Variants in BUD13 observed in about 807,000 individuals in gnomAD.
BUD13 encodes the protein BUD13 spliceosome associated protein.
BUD13 carries 47 observed loss-of-function variants against 62.5 expected under a neutral mutation model. The ratio of observed to expected loss-of-function variants is 0.75; its 90% CI spans 0.60 to 0.96. The LOEUF is 0.96. Ranked by LOEUF, BUD13 falls within the 40% of genes least tolerant of loss-of-function variation. The probability of loss-of-function intolerance (pLI) is 0.00; values close to 1 mark genes in which losing one functional copy is unlikely to be tolerated. For synonymous variants in BUD13, 293 were observed against 280.1 expected, an observed-to-expected ratio of 1.05 and a Z score of -0.46; for missense variants, 821 against 790.9, an observed-to-expected ratio of 1.04 and a Z score of -0.46.
chr11:116,763,074 G>A lies in BUD13; in HGVS notation c.515C>T (p.Ser172Leu). The change falls in exon 4 of 10, where the codon TCA becomes TTA. Residue 172 changes from serine (S) to leucine (L), a missense_variant. Physicochemically the swap from Ser to Leu is moderately radical, Grantham distance 145. Coordinates refer to ENST00000260210, the MANE Select transcript of BUD13 (RefSeq NM_032725.4). ...GATCCTCCTGGGAGGAGATGTGTCT[G>A]AGTCATGACGAGCCCCTCTGAGGGG... is the stretch of plus-strand genomic sequence containing the variant. ...PSPLRGARHD[S>L]DTSPPRRIRH... 1 of 1,583,192 alleles carries A rather than the reference G, an allele frequency of 6.3e-7. No homozygotes were observed.
At chr11:116,772,488 C>T (rs1221434900) in intron 1 of BUD13, among the ~76,000 whole-genome samples, 1 of 152,216 alleles carries the variant, frequency 6.6e-6, no homozygotes, top group Non-Finnish European at 1.5e-5. Context: ...GATCCAAGCA[C>T]AGAGGCTTTG....
rs1264216708 is a variant in BUD13 at position 116,763,171 on chromosome 11, G to A, written c.418C>T (p.Pro140Ser). The change falls in exon 4 of 10, where the codon CCT (proline) becomes TCT (serine). Residue 140 changes from proline (P) to serine (S), a missense_variant. By Grantham distance (74) the Pro-to-Ser change is moderately conservative. This residue lies in a region of BUD13 where 800 missense variants were observed against 739.2 expected (regional missense o/e 1.08). Transcript: ENST00000260210. ...RVRHGTPDPSPRKDRHDTPDP... is the reference protein window; with the variant it reads ...RVRHGTPDPSSRKDRHDTPDP... ...GGGGTGTCATGACGGTCCTTCCTAG[G>A]AGATGGATCTGGGGTACCATGACGG... 2 of 1,602,786 alleles carry A rather than the reference G, an allele frequency of 1.2e-6. No individual in the cohort carries two copies.
chr11:116,763,619 C>T (rs528138815), intron 3 of BUD13, among the ~76,000 whole-genome samples: 1 of 152,194 alleles, frequency 6.6e-6, no homozygotes, highest in African/African-American at 2.4e-5. Context: ...AAGGTCACAG[C>T]TCCTAAAATG....
chr11:116,762,750 T>C lies in BUD13; in HGVS notation c.839A>G (p.Tyr280Cys). 6.2e-7 allele frequency: 1 copy of C among 1,614,156 alleles called. No individual in the cohort carries two copies. Among genetic ancestry groups the C allele is most frequent in the Non-Finnish European group, 8.5e-7 (1 of 1,180,014 alleles). Residue 280 changes from tyrosine (Y) to cysteine (C), a missense_variant, in exon 4 of 10, where the codon TAT becomes TGT. By Grantham distance (194) the Tyr-to-Cys change is radical. This residue lies in a region of BUD13 where 800 missense variants were observed against 739.2 expected (regional missense o/e 1.08). Coordinates refer to ENST00000260210, the MANE Select transcript of BUD13 (RefSeq NM_032725.4). ...ACCACTTTTGGTTCTGGGCAGGGAA[T>C]AAGTGACATTAGGAGCCAAATCAGG... ...DSPDLAPNVTYSLPRTKSGKA... is the reference protein window; with the variant it reads ...DSPDLAPNVTCSLPRTKSGKA...
In BUD13 at chr11:116,772,934, C is replaced by A; in HGVS notation, c.31G>T (p.Glu11Ter). The A allele has an allele frequency of 6.3e-7, 1 of 1,584,130 alleles. No individual in the cohort carries two copies. Reference sequence around the variant, plus strand: ...CCGGACAAGTAACGCTTCAGATACTCGGCCTTGGAAAGCGGCGGAGCTGCC... The same window carrying A: ...CCGGACAAGTAACGCTTCAGATACTAGGCCTTGGAAAGCGGCGGAGCTGCC... MAAAPPLSKA[E>*]YLKRYLSGAD... Residue 11 changes from glutamate (E) to a stop codon, truncating the protein, a stop_gained, in exon 1 of 10, where the codon GAG (glutamate) becomes TAG (stop). Coordinates refer to ENST00000260210, the MANE Select transcript of BUD13 (RefSeq NM_032725.4). LOFTEE classifies it high-confidence loss of function.
chr11:116,756,667 A>G (rs575536467), intron 9 of BUD13, among the ~76,000 whole-genome samples: 3 of 152,248 alleles, frequency 2.0e-5, no homozygotes, highest in Non-Finnish European at 4.4e-5. Context: ...TTCATCCATC[A>G]TAACAGGAAG....
intron 2 of BUD13, among the ~76,000 whole-genome samples, chr11:116,768,223 A>C (rs1940565630): frequency 6.6e-6 from 1 of 152,188 alleles, no homozygotes; most frequent in South Asian, 2.1e-4. Flanking sequence ...GATATTTTAT[A>C]AGTGGAAACA....
At chr11:116,772,738 G>C in intron 1 of BUD13, 84 bp downstream of exon 1, 1 of 1,413,950 alleles carries the variant, frequency 7.1e-7, no homozygotes, top group South Asian at 1.5e-5. Context: ...CGCCAAGAGG[G>C]AAGGAACTGC....
chr11:116,756,746 A>G (rs570279215), intron 9 of BUD13, among the ~76,000 whole-genome samples: 2 of 152,290 alleles, frequency 1.3e-5, no homozygotes, highest in East Asian at 3.9e-4. Context: ...GAAGACATTA[A>G]AAGTGACTGC....
chr11:116,763,699 G>A (rs1940479943), intron 3 of BUD13, among the ~76,000 whole-genome samples: 1 of 152,134 alleles, frequency 6.6e-6, no homozygotes, highest in South Asian at 2.1e-4. Context: ...CATTTGTGCA[G>A]AGTTCCCAGC....
chr11:116,765,280 T>C, intron 3 of BUD13, 82 bp downstream of exon 3: 1 of 1,424,460 alleles, frequency 7.0e-7, no homozygotes, highest in Admixed American at 1.8e-5. Flanking sequence ...AAACTATGCA[T>C]TCCTCTAAAG....
rs370912486 is a variant in BUD13, at chr11:116,759,739, T to C, written c.1255-560A>G. On this transcript the variant is annotated intron_variant, in intron 5 of 9. Transcript: ENST00000260210. ...AATTGGAATAATATTAAGTTGTCCA[T>C]GAACTAAATGGATATATAAAATGCC... Among the ~76,000 whole-genome samples the C allele has an allele frequency of 1.7e-4, 26 of 152,302 alleles. 2 individuals are homozygous for C. The highest frequency in any genetic ancestry group is 1.2e-3 in the Admixed American group (18 of 15,302).
Position 116,763,076 on chromosome 11 carries a change from G to A in BUD13, c.513C>T (p.Asp171=), listed in dbSNP as rs1395578957. 1.3e-6 allele frequency: 2 copies of A among 1,583,656 alleles called. No homozygotes were observed. Among genetic ancestry groups the A allele is most frequent in the South Asian group, 2.3e-5 (2 of 88,576 alleles). ...DPSPLRGARH[D]SDTSPPRRIR... The stretch of plus-strand genomic sequence containing the variant: ...TCCTCCTGGGAGGAGATGTGTCTGA[G>A]TCATGACGAGCCCCTCTGAGGGGAG... The change falls in exon 4 of 10, where the codon GAC becomes GAT. Residue 171 remains aspartate, a synonymous_variant. Coordinates refer to ENST00000260210, the MANE Select transcript of BUD13 (RefSeq NM_032725.4).
At chr11:116,762,195 A>C (rs1166031354) in intron 4 of BUD13, among the ~76,000 whole-genome samples, 1 of 152,222 alleles carries the variant, frequency 6.6e-6, no homozygotes, top group Non-Finnish European at 1.5e-5. Context: ...CCAGAGCTCA[A>C]CTATATAAAA....
intron 1 of BUD13, among the ~76,000 whole-genome samples, chr11:116,772,547 G>A (rs1263686010): frequency 1.3e-5 from 2 of 152,206 alleles, no homozygotes; most frequent in Non-Finnish European, 2.9e-5. Flanking sequence ...CTATGGGAGA[G>A]GACGGAAGTC....
intron 2 of BUD13, among the ~76,000 whole-genome samples, chr11:116,767,716 GT>G (rs1349027024): frequency 6.6e-6 from 1 of 151,556 alleles, no homozygotes; most frequent in Non-Finnish European, 1.5e-5. Flanking sequence ...GCTAACACCT[GT>G]AATCCCAACA....
In BUD13 at chr11:116,770,198, C is replaced by T. The variant is rs924188638; in HGVS notation, c.168G>A (p.Val56=). 3 of 1,613,090 alleles carry T rather than the reference C, an allele frequency of 1.9e-6. No individual in the cohort carries two copies. The highest frequency in any genetic ancestry group is 2.5e-6 in the Non-Finnish European group (3 of 1,179,698). Residue 56 remains valine, a synonymous_variant, in exon 2 of 10, where the codon GTG becomes GTA. Coordinates refer to ENST00000260210, the MANE Select transcript of BUD13 (RefSeq NM_032725.4). ...TGGTTGTGGAGATAGCTGTCCAGCT[C>T]ACATCATCATCCACAATCCGCATTC... The part of the protein sequence containing the change: ...GKGMRIVDDD[V]SWTAISTTKL...
chr11:116,761,013 A>C (rs1446116063), intron 4 of BUD13, 61 bp from the exon 5 acceptor site: 1 of 1,367,778 alleles, frequency 7.3e-7, no homozygotes, highest in East Asian at 2.3e-5. Context: ...ACTTACATGA[A>C]ATCTCCTATG....
Position 116,748,321 on chromosome 11 carries a change from A to G in BUD13, c.*161T>C, listed in dbSNP as rs1476941453. The G allele has an allele frequency of 1.6e-6, 1 of 626,492 alleles. No individual in the cohort carries two copies. The highest frequency in any genetic ancestry group is 2.8e-6 in the Non-Finnish European group (1 of 354,766). The allele number at this position is 626,492 out of a possible 1,614,324, so 38.8% of individuals were successfully genotyped here. ...CCAAGAAGTACAGGTACCTCAGTCCAAACATCAGGTCTCGAATATTCTTCT... is the reference window on the plus strand; with the variant it reads ...CCAAGAAGTACAGGTACCTCAGTCCGAACATCAGGTCTCGAATATTCTTCT... On this transcript the variant is annotated 3_prime_UTR_variant, in exon 10 of 10. Coordinates refer to ENST00000260210, the MANE Select transcript of BUD13 (RefSeq NM_032725.4).
Sources: allele counts gnomAD v4.1 joint callset (sites outside exome capture counted in the v4.1 genomes callset), GRCh38; gene constraint gnomAD v4.1.1; regional missense constraint gnomAD v4.1.1; transcripts MANE v1.5; gene names NCBI Gene and HGNC (gene_info 2026-07-23, HGNC 2026-07-21).